TNR: variants seen among roughly 807,000 people sequenced by gnomAD.
The protein encoded by TNR is tenascin-R.
TNR carries 45 observed loss-of-function variants against 150.4 expected under a neutral mutation model. That is an observed-to-expected ratio of 0.30 (90% CI 0.24 to 0.38). The LOEUF is 0.38. TNR is among the 10% of genes least tolerant of loss of function. The probability of loss-of-function intolerance (pLI) is 1.00; values close to 1 mark genes in which losing one functional copy is unlikely to be tolerated. For synonymous variants in TNR, 687 were observed against 678.4 expected (o/e 1.01, Z -0.20); for missense variants, 1,544 against 1,759.1 (o/e 0.88, Z 2.19).
At chr1:175,611,908 T>C (rs941031476) in intron 1 of TNR, among the ~76,000 whole-genome samples, 3 of 152,202 alleles carry the variant, frequency 2.0e-5, no homozygotes, top group Admixed American at 6.5e-5. Context: ...AGACCGAATG[T>C]AAATCAATGG....
At chr1:175,331,067 TTC>T (rs1649810312) in intron 20 of TNR, among the ~76,000 whole-genome samples, 1 of 128,756 alleles carries the variant, frequency 7.8e-6, no homozygotes, top group African/African-American at 3.1e-5. Flanking sequence ...CTTTCTTTCT[TTC>T]TTTCTTTCCT....
intron 1 of TNR, among the ~76,000 whole-genome samples, chr1:175,557,631 G>T (rs1422324550): frequency 1.3e-5 from 2 of 151,468 alleles, no homozygotes; most frequent in Admixed American, 1.3e-4. Context: ...AACAGGTGCT[G>T]GAGAGGATGT....
intron 2 of TNR, among the ~76,000 whole-genome samples, chr1:175,503,499 A>C (rs899757160): frequency 6.6e-6 from 1 of 152,322 alleles, no homozygotes; most frequent in East Asian, 1.9e-4. Flanking sequence ...TATGGTATTT[A>C]TGTAAATGAG....
chr1:175,411,567 C>T lies in TNR; in HGVS notation c.-63-4790G>A, dbSNP rs1267864072. 2.0e-5 allele frequency among the ~76,000 whole-genome samples: 3 copies of T among 151,690 alleles called. No individual in the cohort carries two copies. In the East Asian group the frequency reaches 5.9e-4, roughly 30 times the overall value. ...AGAGAATCTGCCCCATGCCCCTCTC[C>T]CAGCTGCTGGTGGCTGCTAGCATCC... On this transcript the variant is annotated intron_variant, in intron 2 of 22. Coordinates refer to ENST00000367674, the MANE Select transcript of TNR (RefSeq NM_003285.3).
chr1:175,596,300 C>A (rs150902404), intron 1 of TNR, among the ~76,000 whole-genome samples: 3 of 152,034 alleles, frequency 2.0e-5, no homozygotes, highest in South Asian at 2.1e-4. Flanking sequence ...GTGGAGGGTC[C>A]TTCTAGAAGG....
intron 2 of TNR, among the ~76,000 whole-genome samples, chr1:175,466,939 C>G (rs1657061272): frequency 6.6e-6 from 1 of 152,142 alleles, no homozygotes; most frequent in African/African-American, 2.4e-5. Context: ...CCCTTGCTCT[C>G]TGGGGTCTGA....
intron 1 of TNR, among the ~76,000 whole-genome samples, chr1:175,605,727 A>AT (rs376412519): frequency 2.7e-4 from 41 of 151,386 alleles, no homozygotes; most frequent in African/African-American, 8.5e-4. Flanking sequence ...TGGCCAATTG[A>AT]TTTTTTTTTC....
chr1:175,385,339 G>T (rs892366525), intron 8 of TNR, among the ~76,000 whole-genome samples: 5 of 152,178 alleles, frequency 3.3e-5, no homozygotes, highest in Non-Finnish European at 7.4e-5. Context: ...CCCGAGGTCT[G>T]GCCTTTCCCA....
intron 9 of TNR, among the ~76,000 whole-genome samples, chr1:175,368,201 T>C (rs768615695): frequency 1.6e-4 from 24 of 152,360 alleles, no homozygotes; most frequent in Non-Finnish European, 2.8e-4. Flanking sequence ...TGGATTCTCT[T>C]ACAGTTAGTT....
At chr1:175,438,372 C>T (rs184444394) in intron 2 of TNR, among the ~76,000 whole-genome samples, 1,710 of 152,204 alleles carry the variant, frequency 0.011, 40 homozygotes, top group African/African-American at 0.039. Flanking sequence ...ATTGATGGGA[C>T]GTATCTCAAA....
intron 1 of TNR, among the ~76,000 whole-genome samples, chr1:175,540,176 C>A (rs909102499): frequency 1.3e-5 from 2 of 152,162 alleles, no homozygotes; most frequent in Non-Finnish European, 2.9e-5. Context: ...ATCAACAAGT[C>A]CTTCCTCTGA....
chr1:175,708,086 C>T (rs922627420), intron 1 of TNR, among the ~76,000 whole-genome samples: 4 of 150,554 alleles, frequency 2.7e-5, no homozygotes, highest in Non-Finnish European at 4.4e-5. Context: ...AATTTTCCAT[C>T]TTAATGCAGC....
At chr1:175,433,711 T>G (rs1655374240) in intron 2 of TNR, among the ~76,000 whole-genome samples, 1 of 152,196 alleles carries the variant, frequency 6.6e-6, no homozygotes, top group Admixed American at 6.5e-5. Flanking sequence ...ATAAAGTGAT[T>G]TACAGTTCCC....
chr1:175,683,943 T>C (rs571662817), intron 1 of TNR, among the ~76,000 whole-genome samples: 1 of 152,318 alleles, frequency 6.6e-6, no homozygotes, highest in East Asian at 1.9e-4. Context: ...GGAGAGTGAC[T>C]GTGGGAGCCA....
At chr1:175,382,288 T>A (rs568686595) in intron 8 of TNR, among the ~76,000 whole-genome samples, 1 of 152,264 alleles carries the variant, frequency 6.6e-6, no homozygotes, top group East Asian at 1.9e-4. Context: ...CACATCAAGT[T>A]GTAGAAAAGT....
chr1:175,493,092 G>A (rs143990481), intron 2 of TNR, among the ~76,000 whole-genome samples: 30 of 152,142 alleles, frequency 2.0e-4, no homozygotes, highest in African/African-American at 6.5e-4. Context: ...CAGAAGGCAG[G>A]TGTCATTTCC....
chr1:175,417,550 A>G (rs1435456662), intron 2 of TNR, among the ~76,000 whole-genome samples: 1 of 152,202 alleles, frequency 6.6e-6, no homozygotes, highest in Non-Finnish European at 1.5e-5. Context: ...ACCACTGGAT[A>G]TCAAGCTCTG....
intron 1 of TNR, among the ~76,000 whole-genome samples, chr1:175,728,533 T>A (rs1213902706): frequency 6.6e-6 from 1 of 152,228 alleles, no homozygotes; most frequent in Non-Finnish European, 1.5e-5. Context: ...ACCCAAATTC[T>A]CGCTGCAGAG....
intron 20 of TNR, among the ~76,000 whole-genome samples, chr1:175,331,062 T>TTC (rs1649802851): frequency 3.2e-5 from 4 of 124,058 alleles, no homozygotes; most frequent in Non-Finnish European, 6.6e-5. Flanking sequence ...TCTTTCTTTC[T>TTC]TTCTTTCTTT....
Sources: allele counts gnomAD v4.1 joint callset (sites outside exome capture counted in the v4.1 genomes callset), GRCh38; gene constraint gnomAD v4.1.1; transcripts MANE v1.5; gene names NCBI Gene and HGNC (gene_info 2026-07-23, HGNC 2026-07-21).